Variants in CEP131 observed in about 807,000 individuals in gnomAD.
CEP131 encodes the protein centrosomal protein 131.
In CEP131, 99 loss-of-function variants were observed where a neutral mutation model predicts 136.8. The ratio of observed to expected loss-of-function variants is 0.72; its 90% CI spans 0.62 to 0.86. The LOEUF (loss-of-function observed/expected upper bound fraction) is 0.86, where lower values mean the gene tolerates loss of function less well. Among genes scored for constraint, CEP131 ranks in the 40% least tolerant of loss-of-function variants. CEP131 has a pLI of 0.00. For synonymous variants in CEP131, 646 were observed against 612.7 expected, an observed-to-expected ratio of 1.05 and a Z score of -0.80; for missense variants, 1,459 against 1,463.0, an observed-to-expected ratio of 1.00 and a Z score of 0.04.
chr17:81,207,657 G>A (rs935713357), intron 3 of CEP131, among the ~76,000 whole-genome samples: 6 of 151,872 alleles, frequency 4.0e-5, no homozygotes, highest in Admixed American at 2.6e-4. Flanking sequence ...GCTGCCCACC[G>A]AGGGCCTTAA....
At chr17:81,217,828 C>T (rs1322948487) in intron 2 of CEP131, among the ~76,000 whole-genome samples, 2 of 152,146 alleles carry the variant, frequency 1.3e-5, no homozygotes, top group Non-Finnish European at 2.9e-5. Context: ...GGCTTTGAAC[C>T]TCTACTCAGC....
At position 81,191,635 on chromosome 17, in the gene CEP131, C is replaced by T. The variant is rs564554573; in HGVS notation, c.2623-300G>A. ...AGATGGGATGGGAAAGTTGGACTTG[C>T]GTGTTGCTGAGGGCGGGGCCTGGGC... On this transcript the variant is annotated intron_variant, in intron 21 of 25. Transcript: ENST00000450824. Among the ~76,000 whole-genome samples, 8 of 152,328 alleles carry T rather than the reference C, an allele frequency of 5.3e-5. No homozygotes were observed. The East Asian group carries it at 5.8e-4, about 11-fold the overall frequency.
chr17:81,190,489 T>C (rs1310774447), intron 24 of CEP131, 150 bp downstream of exon 24: 9 of 1,073,766 alleles, frequency 8.4e-6, no homozygotes, highest in Non-Finnish European at 9.0e-6. Flanking sequence ...GCCCCAAACA[T>C]GGAACCCACA....
At chr17:81,190,014 C>A in intron 24 of CEP131, 39 bp from the exon 25 acceptor site, 2 of 1,555,498 alleles carry the variant, frequency 1.3e-6, no homozygotes, top group Non-Finnish European at 1.8e-6. Context: ...GTGGCCCCCG[C>A]CCCATGTCCC....
At position 81,209,009 on chromosome 17, in the gene CEP131, G is replaced by A. The variant is rs778608900; in HGVS notation, c.191C>T (p.Pro64Leu). 1.2e-6 allele frequency: 2 copies of A among 1,612,998 alleles called. No homozygotes were observed. Among genetic ancestry groups the A allele is most frequent in the South Asian group, 2.2e-5 (2 of 91,030 alleles). Residue 64 changes from proline to leucine, a missense_variant, in exon 3 of 26, where the codon CCT becomes CTT. By Grantham distance (98) the Pro-to-Leu change is moderately conservative. Coordinates refer to ENST00000450824, the MANE Select transcript of CEP131 (RefSeq NM_014984.4). ...QKRKVLEATG[P>L]GGSQAINNLR... Reference sequence around the variant, plus strand: ...GTTGTTGATGGCCTGGGAGCCCCCAGGCCCTGTGGCCTCCTGCAAAAAGGG... The same window carrying A: ...GTTGTTGATGGCCTGGGAGCCCCCAAGCCCTGTGGCCTCCTGCAAAAAGGG...
Position 81,190,771 on chromosome 17 carries a change from T to C in CEP131, c.2975A>G (p.Asn992Ser), listed in dbSNP as rs767827059. ...VNEQLSSERS[N>S]LAQVIRQEFE... The stretch of plus-strand genomic sequence containing the variant: ...CTCCTGGCGGATCACCTGGGCCAGG[T>C]TGCTGCGCTCGCTAGAAAGCTGCTC... The change falls in exon 24 of 26, where the codon AAC (asparagine) becomes AGC (serine). Residue 992 changes from asparagine to serine, a missense_variant. Asn to Ser is a conservative substitution (Grantham distance 46, BLOSUM62 1). Coordinates refer to ENST00000450824, the MANE Select transcript of CEP131 (RefSeq NM_014984.4). 5 of 1,611,730 alleles carry C rather than the reference T, an allele frequency of 3.1e-6. No homozygotes were observed. The highest frequency in any genetic ancestry group is 2.7e-5 in the African/African-American group (2 of 74,908).
At chr17:81,197,547 G>A in intron 13 of CEP131, 165 bp downstream of exon 13, 1 of 1,080,918 alleles carries the variant, frequency 9.3e-7, no homozygotes, top group Non-Finnish European at 1.3e-6. Context: ...GGTACATGGT[G>A]AGGGACCACC....
intron 17 of CEP131, 22 bp from the exon 18 acceptor site, chr17:81,194,149 G>A: frequency 1.3e-6 from 2 of 1,495,772 alleles, no homozygotes; most frequent in Non-Finnish European, 1.8e-6. Flanking sequence ...GCACCAGCTA[G>A]GGCCACGTCC....
chr17:81,220,020 G>A lies in CEP131; in HGVS notation c.37C>T (p.Arg13Cys), dbSNP rs780430522. The A allele has an allele frequency of 1.6e-5, 25 of 1,601,428 alleles. No individual in the cohort carries two copies. The highest frequency in any genetic ancestry group is 1.7e-4 in the Middle Eastern group (1 of 6,024). Residue 13 changes from arginine (R) to cysteine (C), a missense_variant, in exon 2 of 26, where the codon CGC (arginine) becomes TGC (cysteine). Arg to Cys is a radical substitution (Grantham distance 180). Transcript: ENST00000450824. ...GTRAIGSVPERSPAGVDLSLT... is the reference protein window; with the variant it reads ...GTRAIGSVPECSPAGVDLSLT... ...CTCAGGTCCACACCTGCTGGGCTGC[G>A]CTCCGGGACGCTGCCGATGGCCCGG...
chr17:81,207,935 C>CA (rs1175368909), intron 3 of CEP131, among the ~76,000 whole-genome samples: 2 of 25,762 alleles, frequency 7.8e-5, no homozygotes, highest in Non-Finnish European at 1.8e-4. Flanking sequence ...ACACCACACA[C>CA]CATACACCAC....
rs750387621 is a variant in CEP131 at position 81,197,940 on chromosome 17, G to C, written c.1471-52C>G. On this transcript the variant is annotated intron_variant, in intron 12 of 25. Transcript: ENST00000450824. ...GGCTGTCAGGGCAGCCTGAGGACTT[G>C]GGTTCCCCAAAGGCAGAGGTGGCAG... The C allele has an allele frequency of 5.7e-6, 9 of 1,579,596 alleles. No homozygotes were observed. The East Asian group carries it at 1.4e-4, about 24-fold the overall frequency.
In CEP131 at chr17:81,202,353, G is replaced by A. The variant is rs1449826642; in HGVS notation, c.675C>T (p.Gly225=). ...AATCEGSESS[G]FGKLPKNVSS... ...AGACATTCTTCGGCAGCTTCCCAAA[G>A]CCGCTGCTCTCACTGCCCTCACAGG... The change falls in exon 7 of 26, where the codon GGC becomes GGT. Residue 225 remains glycine, a synonymous_variant. Coordinates refer to ENST00000450824, the MANE Select transcript of CEP131 (RefSeq NM_014984.4). 5 of 1,613,568 alleles carry A rather than the reference G, an allele frequency of 3.1e-6. No homozygotes were observed. Among genetic ancestry groups the A allele is most frequent in the Non-Finnish European group, 4.2e-6 (5 of 1,179,954 alleles).
rs777377543 is a variant in CEP131 at position 81,198,134 on chromosome 17, C to T, written c.1451G>A (p.Arg484Lys). The T allele has an allele frequency of 5.1e-6, 8 of 1,571,278 alleles. No homozygotes were observed. The African/African-American group carries it at 9.5e-5, about 19-fold the overall frequency. Residue 484 changes from arginine (R) to lysine (K), a missense_variant, in exon 12 of 26, where the codon AGA (arginine) becomes AAA (lysine). Transcript: ENST00000450824. The stretch of plus-strand genomic sequence containing the variant: ...GGTCACCTCGCTGGCCCAGGCGTAT[C>T]TGCCCCTGTGATGGGTCCTGGGGCG... ...LPRPRTHHRGRYAWASEEDDA... is the reference protein window; with the variant it reads ...LPRPRTHHRGKYAWASEEDDA...
chr17:81,196,103 G>C (rs1206879330), intron 15 of CEP131, 152 bp from the exon 16 acceptor site: 1 of 626,258 alleles, frequency 1.6e-6, no homozygotes, highest in Non-Finnish European at 2.8e-6. Flanking sequence ...CCTGGGGCCA[G>C]TGGGGGGGCA....
intron 2 of CEP131, among the ~76,000 whole-genome samples, chr17:81,216,631 G>A (rs1296727788): frequency 8.5e-5 from 13 of 152,262 alleles, no homozygotes; most frequent in Admixed American, 8.5e-4. Context: ...TGTGCCCAGA[G>A]TAAGTGTGGG....
At chr17:81,195,062 G>A in intron 16 of CEP131, 90 bp from the exon 17 acceptor site, 1 of 957,920 alleles carries the variant, frequency 1.0e-6, no homozygotes, top group Non-Finnish European at 1.6e-6. Context: ...CGGGCTTCCA[G>A]GTCCACCAGC....
At chr17:81,200,235 G>C (rs2061859788) in intron 8 of CEP131, 94 bp downstream of exon 8, 2 of 991,572 alleles carry the variant, frequency 2.0e-6, no homozygotes, top group South Asian at 3.2e-5. Context: ...GCAATCCTAG[G>C]CTTTGATTCC....
intron 2 of CEP131, among the ~76,000 whole-genome samples, chr17:81,212,450 C>A (rs1172234776): frequency 6.6e-6 from 1 of 152,054 alleles, no homozygotes; most frequent in African/African-American, 2.4e-5. Flanking sequence ...GGGGCCCGTG[C>A]AGAGGGACTG....
chr17:81,197,654 C>T (rs1160477468), intron 13 of CEP131, 58 bp downstream of exon 13: 2 of 1,546,652 alleles, frequency 1.3e-6, no homozygotes, highest in Non-Finnish European at 1.7e-6. Context: ...GGGCCAGGTG[C>T]AGGCTCGTGA....
Sources: gnomAD v4.1 joint callset for allele counts (sites outside exome capture counted in the v4.1 genomes callset) on GRCh38, gnomAD v4.1.1 for gene constraint, MANE v1.5 for transcripts, NCBI Gene and HGNC (gene_info 2026-07-23, HGNC 2026-07-21) for gene names.